DNAH12: variants seen among roughly 807,000 people sequenced by gnomAD.
DNAH12 encodes the protein axonemal beta dynein heavy chain 12.
A neutral mutation model predicts 371.5 loss-of-function variants in DNAH12; 285 were observed. The ratio of observed to expected loss-of-function variants is 0.77; its 90% confidence interval spans 0.70 to 0.85. DNAH12 has a LOEUF of 0.85. DNAH12 is among the 40% of genes least tolerant of loss of function. DNAH12 has a pLI of 0.00. For missense variants in DNAH12, 3,611 were observed against 3,689.4 expected (o/e 0.98, Z 0.55); for synonymous variants, 1,200 against 1,213.0 (o/e 0.99, Z 0.22).
At chr3:57,411,526 CAAAAAAAAAAAAAA>C (rs57344840) in intron 39 of DNAH12, among the ~76,000 whole-genome samples, 3 of 39,160 alleles carry the variant, frequency 7.7e-5, no homozygotes, top group Non-Finnish European at 1.5e-4. Context: ...GACACTGTCT[CAAAAAAAAAAAAAA>C]AAAAAAAAAA....
chr3:57,538,187 G>A (rs1263689341), intron 2 of DNAH12, among the ~76,000 whole-genome samples: 2 of 152,184 alleles, frequency 1.3e-5, no homozygotes, highest in African/African-American at 4.8e-5. Flanking sequence ...CAAAGTGAGC[G>A]CTGACTGAAG....
At chr3:57,552,061 G>A in the DNAH12 span, among the ~76,000 whole-genome samples, 3 of 151,252 alleles carry the variant, frequency 2.0e-5, no homozygotes, top group African/African-American at 4.9e-5. Context: ...TGGCTAACAC[G>A]GTGAAACCCT....
At chr3:57,392,981 A>G (rs1388536966) in intron 44 of DNAH12, among the ~76,000 whole-genome samples, 1 of 152,134 alleles carries the variant, frequency 6.6e-6, no homozygotes, top group Non-Finnish European at 1.5e-5. Context: ...AAAGCAAAGA[A>G]CATGGGTTTT....
rs186541712 is a variant in DNAH12, at chr3:57,501,227, A to T, written c.1335+94T>A. The stretch of plus-strand genomic sequence containing the variant: ...TTACTGAAATGATATTTTAAATAAG[A>T]AATTCTATTTAAGCATTTACTTTTT... On this transcript the variant is annotated intron_variant, in intron 11 of 73. Coordinates refer to ENST00000495027, the MANE Select transcript of DNAH12 (RefSeq NM_001366028.2). 4 of 888,928 alleles carry T rather than the reference A, an allele frequency of 4.5e-6. No homozygotes were observed. The Admixed American group carries it at 1.2e-4, about 26-fold the overall frequency. 55.1% of individuals were successfully genotyped at this position (888,928 alleles called of 1,614,324 possible). A position where few individuals can be genotyped will look rare whatever the true frequency, so the allele number is the denominator to read the frequency against.
intron 45 of DNAH12, among the ~76,000 whole-genome samples, chr3:57,390,426 T>A (rs1209730721): frequency 0.41 from 8,488 of 20,868 alleles, 2,048 homozygotes; most frequent in African/African-American, 0.46. Context: ...AAAAAAAAAA[T>A]ATATATATAT....
intron 68 of DNAH12, 113 bp downstream of exon 68, chr3:57,309,553 A>C: frequency 5.6e-6 from 6 of 1,080,712 alleles, no homozygotes; most frequent in Non-Finnish European, 7.5e-6. Context: ...TAATGCTTAG[A>C]GAGGCAAAGT....
chr3:57,545,947 G>A (rs1190795022), upstream of DNAH12, among the ~76,000 whole-genome samples: 3 of 152,142 alleles, frequency 2.0e-5, no homozygotes, highest in South Asian at 4.1e-4. Flanking sequence ...GCTCCAGTAG[G>A]TTCCAGTGGG....
At chr3:57,412,776 A>G (rs1223191127) in intron 39 of DNAH12, among the ~76,000 whole-genome samples, 1 of 152,164 alleles carries the variant, frequency 6.6e-6, no homozygotes, top group Non-Finnish European at 1.5e-5. Context: ...AATCTAGAAC[A>G]CTGACAATAC....
intron 4 of DNAH12, chr3:57,519,930 G>A: frequency 1.1e-6 from 1 of 924,218 alleles, no homozygotes; most frequent in South Asian, 1.3e-5. Flanking sequence ...AGAACATCTT[G>A]TCGCCTCCCG....
upstream of DNAH12, among the ~76,000 whole-genome samples, chr3:57,544,990 A>AT (rs574394355): frequency 0.14 from 20,082 of 142,640 alleles, 1,412 homozygotes; most frequent in South Asian, 0.2. Context: ...TTGCTACGTA[A>AT]TTTTTTTTTT....
intron 43 of DNAH12, among the ~76,000 whole-genome samples, chr3:57,400,171 C>G (rs2063827589): frequency 6.6e-6 from 1 of 152,082 alleles, no homozygotes; most frequent in East Asian, 1.9e-4. Context: ...ACCTGTAATC[C>G]CAGCTACTCA....
At position 57,445,212 on chromosome 3, in the gene DNAH12, G is replaced by GATTGCCAGCAGCCACT; in HGVS notation, c.4371_4386dup (p.Leu1463SerfsTer13). On this transcript the variant is annotated frameshift_variant, in exon 28 of 74. Transcript: ENST00000495027. LOFTEE classifies it high-confidence loss of function. ...TTTTCATTTGGGTATTTTAGTTTTA[G>GATTGCCAGCAGCCACT]ATTGCCAGCAGCCACTAAAACGGCT... is the stretch of plus-strand genomic sequence containing the variant. 1 of 1,548,890 alleles carries GATTGCCAGCAGCCACT rather than the reference G, an allele frequency of 6.5e-7. No homozygotes were observed. The highest frequency in any genetic ancestry group is 8.7e-7 in the Non-Finnish European group (1 of 1,145,514).
At position 57,504,197 on chromosome 3, in the gene DNAH12, T is replaced by A. The variant is rs1012936763; in HGVS notation, c.905A>T (p.Asp302Val). Reference protein sequence around the residue: ...VSTLMSNQLKDLLRRTVEGFV... With the variant: ...VSTLMSNQLKVLLRRTVEGFV... ...TCCTTCTACAGTTCTCCTTAATAGATCCTTTAGCTGCGTGATATAAATCAC... is the reference window on the plus strand; with the variant it reads ...TCCTTCTACAGTTCTCCTTAATAGAACCTTTAGCTGCGTGATATAAATCAC... The change falls in exon 9 of 74, where the codon GAT (aspartate) becomes GTT (valine). Residue 302 changes from aspartate (D) to valine (V), a missense_variant. Coordinates refer to ENST00000495027, the MANE Select transcript of DNAH12 (RefSeq NM_001366028.2). The A allele has an allele frequency of 3.1e-6, 5 of 1,608,368 alleles. No homozygotes were observed. The highest frequency in any genetic ancestry group is 1.7e-6 in the Non-Finnish European group (2 of 1,176,642).
intron 37 of DNAH12, 56 bp from the exon 38 acceptor site, chr3:57,415,620 T>A: frequency 6.8e-7 from 1 of 1,479,958 alleles, no homozygotes; most frequent in Non-Finnish European, 9.0e-7. Context: ...AGAATACATT[T>A]CTACTAAAGG....
intron 13 of DNAH12, among the ~76,000 whole-genome samples, 157 bp downstream of exon 13, chr3:57,483,219 G>C (rs182248364): frequency 1.4e-4 from 22 of 152,222 alleles, no homozygotes; most frequent in Admixed American, 1.4e-3. Context: ...GCAGAGTCCT[G>C]GGGTGCTGAC....
chr3:57,435,619 A>G (rs1227524310), intron 30 of DNAH12, among the ~76,000 whole-genome samples: 2 of 152,082 alleles, frequency 1.3e-5, no homozygotes, highest in Admixed American at 1.3e-4. Flanking sequence ...GACCAAAAAA[A>G]CTGTGAGTCT....
chr3:57,372,490 G>A (rs2063196276), intron 55 of DNAH12, among the ~76,000 whole-genome samples: 1 of 151,762 alleles, frequency 6.6e-6, no homozygotes, highest in Non-Finnish European at 1.5e-5. Context: ...ATAAATTATT[G>A]TCTAAAGTAA....
At chr3:57,398,015 T>C (rs1276507685) in intron 43 of DNAH12, among the ~76,000 whole-genome samples, 2 of 152,094 alleles carry the variant, frequency 1.3e-5, no homozygotes, top group African/African-American at 2.4e-5. Context: ...ACCTTAAAGA[T>C]ACTCAATGAG....
the DNAH12 span, among the ~76,000 whole-genome samples, chr3:57,554,000 T>C: frequency 6.6e-6 from 1 of 151,748 alleles, no homozygotes; most frequent in Admixed American, 6.6e-5. Flanking sequence ...AATTTTTGTA[T>C]TTTTAGTAGA....
Sources: allele counts gnomAD v4.1 joint callset (sites outside exome capture counted in the v4.1 genomes callset), GRCh38; gene constraint gnomAD v4.1.1; transcripts MANE v1.5; gene names NCBI Gene and HGNC (gene_info 2026-07-23, HGNC 2026-07-21).